Variants in EDAR observed in about 807,000 individuals in gnomAD.
The protein encoded by EDAR is ectodysplasin A receptor, also known as tumor necrosis factor receptor superfamily member EDAR.
In EDAR, 38 loss-of-function variants were observed where a neutral mutation model predicts 51.3. That is an observed-to-expected ratio of 0.74 (90% CI 0.57 to 0.97). The LOEUF is 0.97. EDAR is among the 50% of genes least tolerant of loss of function. The pLI, the probability that EDAR is intolerant of heterozygous loss-of-function variation, is 0.00. For synonymous variants in EDAR, 227 were observed against 242.1 expected (o/e 0.94, Z 0.58); for missense variants, 528 against 595.0 (o/e 0.89, Z 1.17).
chr2:108,987,316 G>A (rs1444157909), intron 1 of EDAR, among the ~76,000 whole-genome samples: 1 of 152,236 alleles, frequency 6.6e-6, no homozygotes, highest in Non-Finnish European at 1.5e-5. Flanking sequence ...TTGACTAGAA[G>A]AGGCTCCCCA....
chr2:108,897,261 G>A, intron 11 of EDAR, 32 bp from the exon 12 acceptor site: 1 of 1,584,550 alleles, frequency 6.3e-7, no homozygotes, highest in Non-Finnish European at 8.7e-7. Context: ...GTTAGATGTT[G>A]CAAGTCACAG....
At chr2:108,927,179 G>T (rs781754339) in intron 4 of EDAR, among the ~76,000 whole-genome samples, 115 of 152,220 alleles carry the variant, frequency 7.6e-4, no homozygotes, top group Non-Finnish European at 1.6e-4. Flanking sequence ...TCTGAGGCAC[G>T]TGCTGAGGGT....
intron 1 of EDAR, among the ~76,000 whole-genome samples, chr2:108,944,760 C>T (rs546355380): frequency 5.9e-5 from 9 of 152,268 alleles, no homozygotes; most frequent in African/African-American, 1.4e-4. Flanking sequence ...GGCACAGAGC[C>T]GGTCCCAGAC....
chr2:108,932,528 C>CAAAAAAAAAAAAAAAAAAA (rs1171012818), intron 1 of EDAR, among the ~76,000 whole-genome samples: 2 of 39,122 alleles, frequency 5.1e-5, no homozygotes, highest in African/African-American at 2.0e-4. Context: ...GACTCTGTCT[C>CAAAAAAAAAAAAAAAAAAA]AAAAAAAAAA....
chr2:108,929,109 T>C (rs1697315177), intron 4 of EDAR, 89 bp downstream of exon 4: 2 of 1,478,034 alleles, frequency 1.4e-6, no homozygotes, highest in Admixed American at 1.7e-5. Flanking sequence ...GCAGTATCCA[T>C]GACCCCTGTT....
At position 108,929,216 on chromosome 2, in the gene EDAR, C is replaced by T. The variant is rs1475705727; in HGVS notation, c.338G>A (p.Cys113Tyr). 5 of 1,613,990 alleles carry T rather than the reference C, an allele frequency of 3.1e-6. No homozygotes were observed. The highest frequency in any genetic ancestry group is 1.6e-4 in the Middle Eastern group (1 of 6,084). The change falls in exon 4 of 12, where the codon TGT becomes TAT. Residue 113 changes from cysteine (C) to tyrosine (Y), a missense_variant. Coordinates refer to ENST00000258443, the MANE Select transcript of EDAR (RefSeq NM_022336.4). ...TPGDMENDAECGPCLPGYYML... is the reference protein window; with the variant it reads ...TPGDMENDAEYGPCLPGYYML... ...TGCTTACCCAGGGAGGCAAGGGCCA[C>T]ACTCAGCGTCATTCTCCATGTCCCC...
chr2:108,911,216 G>T, intron 6 of EDAR, 144 bp from the exon 7 acceptor site: 1 of 1,037,130 alleles, frequency 9.6e-7, no homozygotes. Flanking sequence ...TGCTTAGACT[G>T]AGAACCAAAT....
At chr2:108,963,826 A>G (rs1698099190) in intron 1 of EDAR, among the ~76,000 whole-genome samples, 1 of 152,238 alleles carries the variant, frequency 6.6e-6, no homozygotes, top group Non-Finnish European at 1.5e-5. Flanking sequence ...GTGGGAAGAT[A>G]AGGCAGAAAG....
intron 8 of EDAR, 97 bp downstream of exon 8, chr2:108,910,679 G>A: frequency 1.4e-6 from 2 of 1,468,510 alleles, no homozygotes; most frequent in South Asian, 1.2e-5. Flanking sequence ...GGTTCAGCAT[G>A]TGAGAGCAGA....
chr2:108,932,528 CAAAAAAAA>C (rs1171012818), intron 1 of EDAR, among the ~76,000 whole-genome samples: 7 of 39,122 alleles, frequency 1.8e-4, no homozygotes, highest in Admixed American at 5.1e-4. Context: ...GACTCTGTCT[CAAAAAAAA>C]AAAAAAAAAA....
chr2:108,936,245 C>T (rs189464484), intron 1 of EDAR, among the ~76,000 whole-genome samples: 76 of 152,342 alleles, frequency 5.0e-4, no homozygotes, highest in African/African-American at 1.7e-3. Context: ...CCTGATGGTT[C>T]GGAGTTACCT....
chr2:108,946,870 C>T (rs191583497), intron 1 of EDAR, among the ~76,000 whole-genome samples: 48 of 150,088 alleles, frequency 3.2e-4, no homozygotes, highest in Admixed American at 2.5e-3. Context: ...AACCTTATTC[C>T]GCCCCTGGTC....
Position 108,946,896 on chromosome 2 carries a change from C to CT in EDAR, c.-18-15865dup, listed in dbSNP as rs199805973. Among the ~76,000 whole-genome samples the CT allele has an allele frequency of 2.4e-3, 369 of 151,658 alleles. 1 individual carries two copies. Among genetic ancestry groups the CT allele is most frequent in the Non-Finnish European group, 4.0e-3 (270 of 67,934 alleles). On this transcript the variant is annotated intron_variant, in intron 1 of 11. Coordinates refer to ENST00000258443, the MANE Select transcript of EDAR (RefSeq NM_022336.4). ...GCCCCTGGTCCCTCCCAAATCTCAT[C>CT]TTTTTTTTCACATTTCAAAACCAAT... is the stretch of plus-strand genomic sequence containing the variant.
chr2:108,960,137 G>A (rs964632376), intron 1 of EDAR, among the ~76,000 whole-genome samples: 21 of 152,324 alleles, frequency 1.4e-4, no homozygotes, highest in African/African-American at 5.1e-4. Context: ...GTGCTAAGAG[G>A]AGCGGGGTGG....
chr2:108,949,322 A>C (rs1697778187), intron 1 of EDAR, among the ~76,000 whole-genome samples: 1 of 152,224 alleles, frequency 6.6e-6, no homozygotes, highest in Admixed American at 6.5e-5. Context: ...TACAAGTATT[A>C]ATTATTCCAA....
intron 4 of EDAR, among the ~76,000 whole-genome samples, chr2:108,927,179 G>A (rs781754339): frequency 6.6e-6 from 1 of 152,220 alleles, no homozygotes; most frequent in African/African-American, 2.4e-5. Context: ...TCTGAGGCAC[G>A]TGCTGAGGGT....
At position 108,930,128 on chromosome 2, in the gene EDAR, G is replaced by A. The variant is rs1553448523; in HGVS notation, c.166C>T (p.Pro56Ser). 6.2e-7 allele frequency: 1 copy of A among 1,613,654 alleles called. No individual in the cohort carries two copies. The highest frequency in any genetic ancestry group is 8.5e-7 in the Non-Finnish European group (1 of 1,179,878). The change falls in exon 3 of 12, where the codon CCC (proline) becomes TCC (serine). Residue 56 changes from proline (P) to serine (S), a missense_variant. Transcript: ENST00000258443. ...ECPPCGPGEE[P>S]YLSCGYGTKD... Reference sequence around the variant, plus strand: ...GAGGGCTGGGTCCTTACCAGGTAGGGCTCCTCTCCCGGCCCACACGGGGGG... The same window carrying A: ...GAGGGCTGGGTCCTTACCAGGTAGGACTCCTCTCCCGGCCCACACGGGGGG...
intron 1 of EDAR, among the ~76,000 whole-genome samples, chr2:108,942,045 C>T (rs556825304): frequency 3.9e-5 from 6 of 152,348 alleles, no homozygotes; most frequent in East Asian, 1.9e-4. Context: ...AGAGAAAGTT[C>T]GCTGGGCTTC....
At chr2:108,950,625 G>C (rs546339424) in intron 1 of EDAR, among the ~76,000 whole-genome samples, 5 of 152,322 alleles carry the variant, frequency 3.3e-5, no homozygotes, top group Middle Eastern at 3.4e-3. Context: ...TCTGCATTCT[G>C]GACGTGACAC....
Sources: gnomAD v4.1 joint callset for allele counts (sites outside exome capture counted in the v4.1 genomes callset) on GRCh38, gnomAD v4.1.1 for gene constraint, MANE v1.5 for transcripts, NCBI Gene and HGNC (gene_info 2026-07-23, HGNC 2026-07-21) for gene names.